The following IPO5 variants were observed in gnomAD, a reference collection of about 807,000 sequenced individuals.
IPO5 encodes the protein importin 5, also known as importin-5.
Under a neutral mutation model 143.3 loss-of-function variants are expected in IPO5, and 18 were observed. The ratio of observed to expected loss-of-function variants is 0.13; its 90% CI spans 0.09 to 0.19. The LOEUF is 0.19. Among genes scored for constraint, IPO5 ranks in the 10% least tolerant of loss-of-function variants. The probability of loss-of-function intolerance (pLI) is 1.00; values close to 1 mark genes in which losing one functional copy is unlikely to be tolerated. For synonymous variants in IPO5, 477 were observed against 465.7 expected (o/e 1.02, Z -0.31); for missense variants, 1,013 against 1,336.9 (o/e 0.76, Z 3.78).
intron 3 of IPO5, among the ~76,000 whole-genome samples, chr13:97,971,768 G>A (rs1208717425): frequency 6.6e-6 from 1 of 152,000 alleles, no homozygotes; most frequent in African/African-American, 2.4e-5. Flanking sequence ...GGGCAATATA[G>A]CAAGACCCCA....
At chr13:97,984,999 G>A (rs146105491) in intron 5 of IPO5, among the ~76,000 whole-genome samples, 3 of 152,268 alleles carry the variant, frequency 2.0e-5, no homozygotes, top group Non-Finnish European at 2.9e-5. Context: ...ATGAAAGGGC[G>A]GTTATGTAAC....
rs1324436991 is a variant in IPO5 at position 98,005,214 on chromosome 13, CCAGA to C, written c.1498-911_1498-908del. Among the ~76,000 whole-genome samples, 10 of 150,712 alleles carry C rather than the reference CCAGA, an allele frequency of 6.6e-5. No homozygotes were observed. In the East Asian group the frequency reaches 1.2e-3, roughly 18 times the overall value. On this transcript the variant is annotated intron_variant, in intron 16 of 28. Coordinates refer to ENST00000651721, the MANE Select transcript of IPO5 (RefSeq NM_002271.6). ...GCCTGGCTTCTTTTTTTTTTTTTCC[CCAGA>C]CAGAGTCTTGCTCTTGTCAACCCAG...
chr13:97,976,067 A>T, intron 3 of IPO5: 2 of 605,624 alleles, frequency 3.3e-6, no homozygotes, highest in Non-Finnish European at 4.1e-6. Flanking sequence ...CCAGGGAGCG[A>T]GGGACCAAAG....
rs1179382229 is a variant in IPO5 at position 98,015,242 on chromosome 13, TTGTG to T, written c.2326-262_2326-259del. ...AGCAATTGTGTTCCTTAGGAGCTGG[TTGTG>T]TGTGTGTGTGTGTGTGTGTGTGTGT... On this transcript the variant is annotated intron_variant, in intron 22 of 28. Transcript: ENST00000651721. 8.1e-5 allele frequency among the ~76,000 whole-genome samples: 12 copies of T among 147,830 alleles called. 1 individual carries two copies. The highest frequency in any genetic ancestry group is 2.0e-4 in the East Asian group (1 of 5,044).
chr13:98,015,550 T>C lies in IPO5; in HGVS notation c.2346T>C (p.Asp782=). 1 of 1,606,354 alleles carries C rather than the reference T, an allele frequency of 6.2e-7. No individual in the cohort carries two copies. The highest frequency in any genetic ancestry group is 8.5e-7 in the Non-Finnish European group (1 of 1,173,662). Residue 782 remains aspartate (D), a synonymous_variant, in exon 23 of 29, where the codon GAT becomes GAC. Coordinates refer to ENST00000651721, the MANE Select transcript of IPO5 (RefSeq NM_002271.6). ...SFAKCIEVMG[D]GCLNNEHFEE... ...ATTAGTGCATTGAAGTAATGGGAGA[T>C]GGATGCCTTAATAATGAACACTTTG...
rs59658983 is a variant in IPO5, at chr13:98,012,801, A to ATTTTTTTTTTT, written c.2152+475_2152+485dup. Among the ~76,000 whole-genome samples, 84 of 109,150 alleles carry ATTTTTTTTTTT rather than the reference A, an allele frequency of 7.7e-4. 1 individual carries two copies. The highest frequency in any genetic ancestry group is 1.5e-3 in the African/African-American group (44 of 29,618). The allele number at this position is 109,150 out of a possible 152,430, so 71.6% of individuals were successfully genotyped here. A position where few individuals can be genotyped will look rare whatever the true frequency, so the allele number is the denominator to read the frequency against. ...ACAACACCAAGCCCAGCTAGATTTG[A>ATTTTTTTTTTT]TTTTTTTTTTTTTTTTTTTTTTTTT... is the stretch of plus-strand genomic sequence containing the variant. On this transcript the variant is annotated intron_variant, in intron 21 of 28. Transcript: ENST00000651721.
chr13:98,016,335 G>A (rs896692259), intron 24 of IPO5, among the ~76,000 whole-genome samples: 2 of 152,134 alleles, frequency 1.3e-5, no homozygotes, highest in African/African-American at 4.8e-5. Context: ...CACTAACAGC[G>A]AGACCCCATT....
At position 97,970,108 on chromosome 13, in the gene IPO5, G is replaced by A. The variant is rs1885694386; in HGVS notation, c.-5+278G>A. On this transcript the variant is annotated intron_variant, in intron 3 of 28. Coordinates refer to ENST00000651721, the MANE Select transcript of IPO5 (RefSeq NM_002271.6). ...ACTGCCCAATCGAAATATAATATGA[G>A]CCACAAATACAAATCACATATGCAA... 3.3e-5 allele frequency among the ~76,000 whole-genome samples: 5 copies of A among 151,968 alleles called. No homozygotes were observed. In the South Asian group the frequency reaches 8.3e-4, roughly 25 times the overall value.
At chr13:97,972,411 C>G (rs1016464944) in intron 3 of IPO5, among the ~76,000 whole-genome samples, 1 of 152,208 alleles carries the variant, frequency 6.6e-6, no homozygotes, top group Non-Finnish European at 1.5e-5. Context: ...AGTTAAGGAG[C>G]CTGGTCTCCT....
chr13:97,989,668 A>T (rs2139686216), intron 7 of IPO5, among the ~76,000 whole-genome samples: 1 of 152,188 alleles, frequency 6.6e-6, no homozygotes, highest in Non-Finnish European at 1.5e-5. Context: ...TTTTTACTAC[A>T]CCTAAAATGT....
Position 98,000,616 on chromosome 13 carries a change from A to G in IPO5, c.1079A>G (p.Lys360Arg), listed in dbSNP as rs1391867695. ...LGGKLVLPMI[K>R]EHIMQMLQNP... ...GGAAAGCTCGTTCTGCCGATGATCA[A>G]GGAACACATTATGCAAATGCTTCAA... Residue 360 changes from lysine to arginine, a missense_variant, in exon 13 of 29, where the codon AAG becomes AGG. Around this residue, in one of 2 missense-constraint regions of IPO5, gnomAD observed 685 missense variants for 994.9 expected, o/e 0.69. Transcript: ENST00000651721. 7 of 1,613,978 alleles carry G rather than the reference A, an allele frequency of 4.3e-6. No individual in the cohort carries two copies. In the Admixed American group the frequency reaches 8.3e-5, roughly 19 times the overall value.
intron 11 of IPO5, among the ~76,000 whole-genome samples, chr13:97,994,537 A>G (rs1373558885): frequency 6.6e-6 from 1 of 152,228 alleles, no homozygotes; most frequent in Non-Finnish European, 1.5e-5. Flanking sequence ...TGTACAAGAC[A>G]TATGGGAAAG....
At chr13:98,007,271 C>A (rs1889346848) in intron 17 of IPO5, 1 of 152,272 alleles carries the variant, frequency 6.6e-6, no homozygotes, top group Non-Finnish European at 1.5e-5. Context: ...CATGTTCGTT[C>A]CCTTTAAATA....
chr13:98,015,273 T>TTTC (rs1890050557), intron 22 of IPO5, among the ~76,000 whole-genome samples: 1 of 151,998 alleles, frequency 6.6e-6, no homozygotes. Flanking sequence ...TGTGTGTGTT[T>TTTC]TCCATCTTTG....
chr13:98,003,439 G>A (rs1224591620), intron 16 of IPO5, among the ~76,000 whole-genome samples: 1 of 152,166 alleles, frequency 6.6e-6, no homozygotes, highest in African/African-American at 2.4e-5. Context: ...GAAGATTTAA[G>A]GCAAGACCAT....
At chr13:97,954,504 G>A (rs191799766) in intron 2 of IPO5, among the ~76,000 whole-genome samples, 168 of 152,152 alleles carry the variant, frequency 1.1e-3, no homozygotes, top group African/African-American at 3.8e-3. Flanking sequence ...GTACATTATG[G>A]TTGTATTCCC....
chr13:97,973,960 G>T (rs899565563), intron 3 of IPO5, among the ~76,000 whole-genome samples: 50 of 152,168 alleles, frequency 3.3e-4, no homozygotes, highest in Admixed American at 2.6e-3. Flanking sequence ...CCAGCTAGTT[G>T]GAAGGGCTGA....
chr13:97,978,303 A>G lies in IPO5; in HGVS notation c.90+1517A>G, dbSNP rs1023414367. ...TTGCAACTTGAATTTTTCACTCTATATTTCACATTGCCTCATAAGTGAGGT... is the reference window on the plus strand; with the variant it reads ...TTGCAACTTGAATTTTTCACTCTATGTTTCACATTGCCTCATAAGTGAGGT... On this transcript the variant is annotated intron_variant, in intron 4 of 28. Transcript: ENST00000651721. 5.3e-5 allele frequency among the ~76,000 whole-genome samples: 8 copies of G among 152,292 alleles called. 1 individual carries two copies. The highest frequency in any genetic ancestry group is 7.2e-5 in the African/African-American group (3 of 41,554).
intron 16 of IPO5, among the ~76,000 whole-genome samples, 159 bp from the exon 17 acceptor site, chr13:98,005,971 T>C (rs2139795574): frequency 6.6e-6 from 1 of 152,326 alleles, no homozygotes; most frequent in African/African-American, 2.4e-5. Flanking sequence ...ATTCTTTTTA[T>C]AGAAATTTCC....
Sources: gnomAD v4.1 joint callset for allele counts (sites outside exome capture counted in the v4.1 genomes callset) on GRCh38, gnomAD v4.1.1 for gene constraint, gnomAD v4.1.1 regional missense constraint, MANE v1.5 for transcripts, NCBI Gene and HGNC (gene_info 2026-07-23, HGNC 2026-07-21) for gene names.